Variants in MYH14 observed in about 807,000 individuals in gnomAD.
The protein encoded by MYH14 is myosin-14.
A neutral mutation model predicts 255.5 loss-of-function variants in MYH14; 123 were observed. That is an observed-to-expected ratio of 0.48 (90% CI 0.42 to 0.56). The LOEUF is 0.56. MYH14 is among the 20% of genes least tolerant of loss of function. The pLI is 0.00. For synonymous variants in MYH14, 1,095 were observed against 1,161.2 expected, an observed-to-expected ratio of 0.94 and a Z score of 1.16; for missense variants, 2,423 against 2,802.3, an observed-to-expected ratio of 0.86 and a Z score of 3.06.
chr19:50,287,377 A>G (rs1283034377), intron 34 of MYH14, among the ~76,000 whole-genome samples: 7 of 152,246 alleles, frequency 4.6e-5, no homozygotes, highest in Admixed American at 3.9e-4. Flanking sequence ...CACGGGATGT[A>G]AGGAGAATCT....
chr19:50,209,008 A>G (rs985468334), intron 1 of MYH14, among the ~76,000 whole-genome samples: 1 of 152,154 alleles, frequency 6.6e-6, no homozygotes, highest in African/African-American at 2.4e-5. Flanking sequence ...TTTAAAAATT[A>G]GTAGGCATGG....
At position 50,276,941 on chromosome 19, in the gene MYH14, GAGGGC is replaced by G; in HGVS notation, c.3825+49_3825+53del. The stretch of plus-strand genomic sequence containing the variant: ...GGGGACAGGGCAGGGGGGCCACGGG[GAGGGC>G]AGGGCAGGACGCGGGGTTGGAGGAG... On this transcript the variant is annotated intron_variant, in intron 29 of 42. Transcript: ENST00000642316. The surrounding 1 kb of genome is among the most constrained non-coding windows in gnomAD (Gnocchi z 4.3). The G allele has an allele frequency of 6.9e-7, 1 of 1,452,756 alleles. No homozygotes were observed. The highest frequency in any genetic ancestry group is 9.4e-7 in the Non-Finnish European group (1 of 1,058,288). The allele number at this position is 1,452,756 out of a possible 1,614,324, so 90.0% of individuals were successfully genotyped here.
chr19:50,219,504 C>G (rs2032696203), intron 3 of MYH14, among the ~76,000 whole-genome samples: 1 of 152,090 alleles, frequency 6.6e-6, no homozygotes, highest in Admixed American at 6.6e-5. Flanking sequence ...GATCTTTGTT[C>G]CCTCTTTCTC....
At position 50,244,410 on chromosome 19, in the gene MYH14, G is replaced by A; in HGVS notation, c.1210+73G>A. 5 of 1,155,200 alleles carry A rather than the reference G, an allele frequency of 4.3e-6. No homozygotes were observed. The South Asian group carries it at 6.1e-5, about 14-fold the overall frequency. 71.6% of individuals were successfully genotyped at this position (1,155,200 alleles called of 1,614,324 possible). ...TGGTGCCCAGCCCTCCTGCACCCCT[G>A]TCCCACGTAGAGAGCATCCCCCTTC... On this transcript the variant is annotated intron_variant, in intron 11 of 42. Transcript: ENST00000642316.
Position 50,217,637 on chromosome 19 carries a change from T to C in MYH14, c.428T>C (p.Val143Ala), listed in dbSNP as rs753622274. Residue 143 changes from valine (V) to alanine (A), a missense_variant, in exon 3 of 43, where the codon GTG (valine) becomes GCG (alanine). This residue lies in a region of MYH14 where 238 missense variants were observed against 245.8 expected (regional missense o/e 0.97). Coordinates refer to ENST00000642316, the MANE Select transcript of MYH14 (RefSeq NM_001145809.2). ...LIYTYSGLFCVVINPYKQLPI... is the reference protein window; with the variant it reads ...LIYTYSGLFCAVINPYKQLPI... ...CAGACGTACTCCGGCCTTTTCTGTG[T>C]GGTCATCAACCCGTACAAGCAGCTT... is the stretch of plus-strand genomic sequence containing the variant. 1.0e-4 allele frequency: 164 copies of C among 1,613,910 alleles called. No individual in the cohort carries two copies. Among genetic ancestry groups the C allele is most frequent in the Non-Finnish European group, 1.3e-4 (152 of 1,179,908 alleles).
At chr19:50,251,996 G>A (rs1028655558) in intron 15 of MYH14, among the ~76,000 whole-genome samples, 2 of 152,346 alleles carry the variant, frequency 1.3e-5, no homozygotes, top group Middle Eastern at 6.8e-3. Context: ...GATGGGTGAA[G>A]GGTGGGAAGG....
chr19:50,227,867 G>A (rs2033185116), intron 8 of MYH14, among the ~76,000 whole-genome samples: 2 of 152,204 alleles, frequency 1.3e-5, no homozygotes. Flanking sequence ...TTCTCCCTCT[G>A]TAGAAGGAGA....
Position 50,280,213 on chromosome 19 carries a change from C to T in MYH14, c.4138-18C>T, listed in dbSNP as rs201451975. The T allele has an allele frequency of 1.6e-4, 252 of 1,553,662 alleles. No homozygotes were observed. The highest frequency in any genetic ancestry group is 5.0e-4 in the Middle Eastern group (3 of 5,992). ...TCCTCCCAGCCACACCTGACATTGC[C>T]GTCTCCTCCATCTACAGGAGCTGCT... On this transcript the variant is annotated intron_variant, in intron 31 of 42. Transcript: ENST00000642316. This position sits in a 1 kb window ranked among gnomAD's most constrained non-coding sequence, Gnocchi z 4.8.
At chr19:50,224,125 C>CCGTGTCT (rs748370363) in intron 5 of MYH14, 29 bp from the exon 6 acceptor site, 2 of 1,536,798 alleles carry the variant, frequency 1.3e-6, no homozygotes, top group Admixed American at 3.5e-5. Flanking sequence ...GTGTCCTGGT[C>CCGTGTCT]CGTGTCTCGT....
At chr19:50,281,459 C>A in intron 32 of MYH14, 135 bp from the exon 33 acceptor site, 1 of 1,301,468 alleles carries the variant, frequency 7.7e-7, no homozygotes, top group Non-Finnish European at 1.0e-6. Context: ...CACTCAGAGG[C>A]AGAAGAGCCC....
intron 39 of MYH14, among the ~76,000 whole-genome samples, chr19:50,299,908 A>G (rs1266345479): frequency 6.6e-6 from 1 of 151,914 alleles, no homozygotes; most frequent in Non-Finnish European, 1.5e-5. Context: ...TCGTGCCACT[A>G]CACTCCAGCC....
chr19:50,293,232 G>C lies in MYH14; in HGVS notation c.5257-1G>C. 6.2e-7 allele frequency: 1 copy of C among 1,601,632 alleles called. No homozygotes were observed. Among genetic ancestry groups the C allele is most frequent in the Non-Finnish European group, 8.5e-7 (1 of 1,174,430 alleles). ...CACCGGCCACCCCTCCATCATCACA[G>C]GAACTGGCCGCCTCGGACCGTGCTC... On this transcript the variant is annotated splice_acceptor_variant, in intron 37 of 42. Transcript: ENST00000642316. LOFTEE classifies it high-confidence loss of function. The surrounding 1 kb of genome is among the most constrained non-coding windows in gnomAD (Gnocchi z 4.1).
chr19:50,236,473 G>GC (rs1319201347), intron 10 of MYH14, among the ~76,000 whole-genome samples: 2 of 152,194 alleles, frequency 1.3e-5, no homozygotes, highest in African/African-American at 4.8e-5. Flanking sequence ...ACTTTGGGAG[G>GC]CCGAGGCAGG....
In MYH14 at chr19:50,268,343, G is replaced by T. The variant is rs769771304; in HGVS notation, c.3009G>T (p.Lys1003Asn). 2.5e-6 allele frequency: 4 copies of T among 1,581,890 alleles called. No homozygotes were observed. The African/African-American group carries it at 5.4e-5, about 21-fold the overall frequency. ...EECSRQMQTE[K>N]KRLQQHIQEL... is the part of the protein sequence containing the mutation. ...GCAGCCGTCAAATGCAAACCGAGAA[G>T]AAGAGGCTGCAGCAGCACATACAGG... is the stretch of plus-strand genomic sequence containing the variant. The change falls in exon 24 of 43, where the codon AAG becomes AAT. Residue 1003 changes from lysine (K) to asparagine (N), a missense_variant. By Grantham distance (94) the Lys-to-Asn change is moderately conservative. Around this residue, in one of 3 missense-constraint regions of MYH14, gnomAD observed 1,513 missense variants for 1,674.8 expected, o/e 0.90. Transcript: ENST00000642316.
At chr19:50,248,859 C>T (rs1763670454) in intron 12 of MYH14, 128 bp from the exon 13 acceptor site, 2 of 845,572 alleles carry the variant, frequency 2.4e-6, no homozygotes, top group Admixed American at 2.2e-5. Context: ...CTTGATGGTA[C>T]TTACACTCAA....
chr19:50,215,197 T>A (rs2032408825), intron 2 of MYH14, among the ~76,000 whole-genome samples: 1 of 147,536 alleles, frequency 6.8e-6, no homozygotes, highest in Admixed American at 6.7e-5. Flanking sequence ...AAACAAGGTG[T>A]GGCTGGCAGG....
intron 40 of MYH14, among the ~76,000 whole-genome samples, chr19:50,302,698 CG>C (rs2036532555): frequency 6.6e-6 from 1 of 151,620 alleles, no homozygotes; most frequent in Non-Finnish European, 1.5e-5. Context: ...GTCGGGAGTT[CG>C]AGACCAGCCT....
chr19:50,214,178 C>T lies in MYH14; in HGVS notation c.405+3408C>T, dbSNP rs1407880809. On this transcript the variant is annotated intron_variant, in intron 2 of 42. Coordinates refer to ENST00000642316, the MANE Select transcript of MYH14 (RefSeq NM_001145809.2). ...GCCACATGAACTTGTGGATGACTCC[C>T]AGGCACCTTATGTAGGAAGCACTAT... 2.0e-5 allele frequency among the ~76,000 whole-genome samples: 3 copies of T among 152,190 alleles called. No homozygotes were observed. The East Asian group carries it at 5.8e-4, about 29-fold the overall frequency.
At position 50,276,259 on chromosome 19, in the gene MYH14, A is replaced by G. The variant is rs2035505424; in HGVS notation, c.3680+56A>G. On this transcript the variant is annotated intron_variant, in intron 28 of 42. Coordinates refer to ENST00000642316, the MANE Select transcript of MYH14 (RefSeq NM_001145809.2). The surrounding 1 kb of genome is among the most constrained non-coding windows in gnomAD (Gnocchi z 4.3). ...CCTGTGCACATACAGGGCTGGGGGA[A>G]GGACTTAGGTACAAAGTCTCTGTCT... 3 of 1,296,668 alleles carry G rather than the reference A, an allele frequency of 2.3e-6. No homozygotes were observed. Among genetic ancestry groups the G allele is most frequent in the Non-Finnish European group, 3.1e-6 (3 of 955,038 alleles). The allele number at this position is 1,296,668 out of a possible 1,614,324, so 80.3% of individuals were successfully genotyped here. A position where few individuals can be genotyped will look rare whatever the true frequency, so the allele number is the denominator to read the frequency against.
Sources: gnomAD v4.1 joint callset for allele counts (sites outside exome capture counted in the v4.1 genomes callset) on GRCh38, gnomAD v4.1.1 for gene constraint, gnomAD v4.1.1 regional missense constraint, Gnocchi (gnomAD v3.1) non-coding constraint, MANE v1.5 for transcripts, NCBI Gene and HGNC (gene_info 2026-07-23, HGNC 2026-07-21) for gene names.